CXCR5: variants seen among roughly 807,000 people sequenced by gnomAD.
CXCR5 encodes the protein C-X-C chemokine receptor type 5.
CXCR5 carries 3 observed loss-of-function variants against 5.6 expected under a neutral mutation model. The observed-to-expected ratio is 0.54, with a 90% CI of 0.24 to 1.39. The LOEUF is 1.39. Among genes scored for constraint, CXCR5 ranks in the 40% most tolerant of loss-of-function variants. The probability of loss-of-function intolerance (pLI) is 0.16; values close to 1 mark genes in which losing one functional copy is unlikely to be tolerated. For missense variants in CXCR5, 333 were observed against 494.6 expected (o/e 0.67, Z 3.10); for synonymous variants, 218 against 219.9 (o/e 0.99, Z 0.08).
chr11:118,888,541 C>A (rs139861935), intron 1 of CXCR5, among the ~76,000 whole-genome samples: 5 of 152,232 alleles, frequency 3.3e-5, no homozygotes, highest in Non-Finnish European at 5.9e-5. Flanking sequence ...CAGCTGCCCA[C>A]TTACAAGCCT....
rs1309600895 is a variant in CXCR5 at position 118,894,924 on chromosome 11, C to T, written c.*261C>T. On this transcript the variant is annotated 3_prime_UTR_variant, in exon 2 of 2. Coordinates refer to ENST00000292174, the MANE Select transcript of CXCR5 (RefSeq NM_001716.5). This position sits in a 1 kb window ranked among gnomAD's most constrained non-coding sequence, Gnocchi z 6.1. ...AGTGAAGGCTGTCCTTACCCATCTG[C>T]ACCCCCCTGGGCTGAGAGAACCTCA... 4.8e-6 allele frequency: 2 copies of T among 416,358 alleles called. No homozygotes were observed. Among genetic ancestry groups the T allele is most frequent in the Non-Finnish European group, 8.8e-6 (2 of 226,180 alleles). The allele number at this position is 416,358 out of a possible 1,614,324, so 25.8% of individuals were successfully genotyped here.
chr11:118,897,480 A>C lies in CXCR5; in HGVS notation c.*2817A>C, dbSNP rs1939961575. ...TGGGCAAACACACATGCACGTGCAC[A>C]CATGTTCTCCCTGAATCACTCAGCA... On this transcript the variant is annotated 3_prime_UTR_variant, in exon 2 of 2. Transcript: ENST00000292174. The C allele has an allele frequency of 3.2e-6, 1 of 316,280 alleles. No homozygotes were observed. The highest frequency in any genetic ancestry group is 2.2e-5 in the African/African-American group (1 of 44,824). 19.6% of individuals were successfully genotyped at this position (316,280 alleles called of 1,614,324 possible).
At position 118,893,114 on chromosome 11, in the gene CXCR5, C is replaced by T. The variant is rs1051789277; in HGVS notation, c.52-482C>T. ...ACAGAGACAGTCAGGAACAGGAAGACCCATGAGGAGGGAGCCCACAGGCCA... is the reference window on the plus strand; with the variant it reads ...ACAGAGACAGTCAGGAACAGGAAGATCCATGAGGAGGGAGCCCACAGGCCA... On this transcript the variant is annotated intron_variant, in intron 1 of 1. Transcript: ENST00000292174. The surrounding 1 kb of genome is among the most constrained non-coding windows in gnomAD (Gnocchi z 5.7). Among the ~76,000 whole-genome samples, 2 of 152,164 alleles carry T rather than the reference C, an allele frequency of 1.3e-5. No homozygotes were observed. Among genetic ancestry groups the T allele is most frequent in the Non-Finnish European group, 2.9e-5 (2 of 68,032 alleles).
intron 1 of CXCR5, chr11:118,886,543 G>T (rs1293330587): frequency 2.7e-6 from 1 of 365,142 alleles, no homozygotes; most frequent in South Asian, 2.1e-5. Context: ...AAAATTAGAT[G>T]GCTAAGAACC....
At chr11:118,884,299 T>C (rs575895608) in intron 1 of CXCR5, among the ~76,000 whole-genome samples, 1 of 152,332 alleles carries the variant, frequency 6.6e-6, no homozygotes, top group African/African-American at 2.4e-5. Context: ...CTCTCCATTC[T>C]TTCTCTCCTT....
intron 1 of CXCR5, chr11:118,886,353 A>G (rs761546687): frequency 0.015 from 6,756 of 441,860 alleles, 47 homozygotes; most frequent in East Asian, 0.024. Context: ...GCCAGAAAAA[A>G]AAAAAAAAAA....
At chr11:118,886,187 T>A (rs1939707009) in intron 1 of CXCR5, 1 of 383,744 alleles carries the variant, frequency 2.6e-6, no homozygotes, top group Non-Finnish European at 5.0e-6. Flanking sequence ...AGCTCACCAT[T>A]TTCCTCTGGA....
Position 118,891,366 on chromosome 11 carries a change from G to A in CXCR5, c.52-2230G>A, listed in dbSNP as rs76625480. On this transcript the variant is annotated intron_variant, in intron 1 of 1. Transcript: ENST00000292174. ...TCATTTTCTTTTTTTTTGAGATTGG[G>A]TCTTGGTCTGTTACCCAGGCTGGAG... Among the ~76,000 whole-genome samples the A allele has an allele frequency of 4.0e-3, 610 of 151,898 alleles. 6 individuals are homozygous for A. Among genetic ancestry groups the A allele is most frequent in the African/African-American group, 0.014 (579 of 41,400 alleles).
chr11:118,884,415 G>C (rs1308487529), intron 1 of CXCR5, among the ~76,000 whole-genome samples: 1 of 152,146 alleles, frequency 6.6e-6, no homozygotes, highest in Non-Finnish European at 1.5e-5. Flanking sequence ...ATAGCTGTTC[G>C]TCTCTGGCCA....
At position 118,896,292 on chromosome 11, in the gene CXCR5, T is replaced by C. The variant is rs911925821; in HGVS notation, c.*1629T>C. The C allele has an allele frequency of 1.9e-5, 3 of 161,340 alleles. No individual in the cohort carries two copies. The highest frequency in any genetic ancestry group is 7.3e-5 in the African/African-American group (3 of 41,208). The allele number at this position is 161,340 out of a possible 1,614,324, so 10.0% of individuals were successfully genotyped here. A position where few individuals can be genotyped will look rare whatever the true frequency, so the allele number is the denominator to read the frequency against. On this transcript the variant is annotated 3_prime_UTR_variant, in exon 2 of 2. Transcript: ENST00000292174. Reference sequence around the variant, plus strand: ...TTGTATTTATATATTTATATTTATATATATATTTATATAATGGTACAAAAT... The same window carrying C: ...TTGTATTTATATATTTATATTTATACATATATTTATATAATGGTACAAAAT...
Position 118,893,984 on chromosome 11 carries a change from G to T in CXCR5, c.440G>T (p.Arg147Leu). The change falls in exon 2 of 2, where the codon CGC becomes CTC. Residue 147 changes from arginine to leucine, a missense_variant. Physicochemically the swap from Arg to Leu is moderately radical, Grantham distance 102. Transcript: ENST00000292174. The surrounding 1 kb of genome is among the most constrained non-coding windows in gnomAD (Gnocchi z 5.7). The part of the protein sequence containing the change: ...SLLLACIAVD[R>L]YLAIVHAVHA... ...CTCCTGGCCTGCATCGCCGTGGACC[G>T]CTACCTGGCCATTGTCCACGCCGTC... 2 of 1,613,708 alleles carry T rather than the reference G, an allele frequency of 1.2e-6. No homozygotes were observed.
At chr11:118,888,908 C>T (rs1052764095) in intron 1 of CXCR5, among the ~76,000 whole-genome samples, 5 of 152,142 alleles carry the variant, frequency 3.3e-5, no homozygotes, top group African/African-American at 1.2e-4. Flanking sequence ...ACATAGAATC[C>T]CCATTAGCAA....
chr11:118,894,241 G>A lies in CXCR5; in HGVS notation c.697G>A (p.Val233Met). The change falls in exon 2 of 2, where the codon GTG (valine) becomes ATG (methionine). Residue 233 changes from valine (V) to methionine (M), a missense_variant. By Grantham distance (21) the Val-to-Met change is conservative. Transcript: ENST00000292174. This position sits in a 1 kb window ranked among gnomAD's most constrained non-coding sequence, Gnocchi z 6.1. ...GGCGGGATTCCTGCTGCCCATGCTG[G>A]TGATGGGCTGGTGCTACGTGGGGGT... ...HVAGFLLPML[V>M]MGWCYVGVVH... The A allele has an allele frequency of 6.2e-7, 1 of 1,614,128 alleles. No individual in the cohort carries two copies. The highest frequency in any genetic ancestry group is 8.5e-7 in the Non-Finnish European group (1 of 1,180,040).
At chr11:118,890,356 G>A (rs1390739163) in intron 1 of CXCR5, among the ~76,000 whole-genome samples, 1 of 152,162 alleles carries the variant, frequency 6.6e-6, no homozygotes, top group Non-Finnish European at 1.5e-5. Flanking sequence ...GCCTGCTTCT[G>A]AGACCTTGCC....
chr11:118,893,498 C>A lies in CXCR5; in HGVS notation c.52-98C>A. On this transcript the variant is annotated intron_variant, in intron 1 of 1. Transcript: ENST00000292174. This position sits in a 1 kb window ranked among gnomAD's most constrained non-coding sequence, Gnocchi z 5.7. ...TGAAACTTGACATTTGGTCAGTGGG[C>A]CCTATGTAGGAAAAAACCTCCAAGA... is the stretch of plus-strand genomic sequence containing the variant. 1.3e-6 allele frequency: 2 copies of A among 1,492,120 alleles called. No homozygotes were observed. The highest frequency in any genetic ancestry group is 8.9e-7 in the Non-Finnish European group (1 of 1,119,588). 92.4% of individuals were successfully genotyped at this position (1,492,120 alleles called of 1,614,324 possible).
chr11:118,894,091 C>A lies in CXCR5; in HGVS notation c.547C>A (p.Pro183Thr), dbSNP rs1939857604. 1.2e-6 allele frequency: 2 copies of A among 1,613,896 alleles called. No homozygotes were observed. Among genetic ancestry groups the A allele is most frequent in the Admixed American group, 1.7e-5 (1 of 59,950 alleles). Residue 183 changes from proline (P) to threonine (T), a missense_variant, in exon 2 of 2, where the codon CCA becomes ACA. By Grantham distance (38) the Pro-to-Thr change is conservative. Coordinates refer to ENST00000292174, the MANE Select transcript of CXCR5 (RefSeq NM_001716.5). This position sits in a 1 kb window ranked among gnomAD's most constrained non-coding sequence, Gnocchi z 6.1. ...GCTGGTGGGCTTCCTCCTTGCCTTG[C>A]CAGAGATTCTCTTCGCCAAAGTCAG... The part of the protein sequence containing the change: ...IWLVGFLLAL[P>T]EILFAKVSQG...
chr11:118,887,042 G>A (rs1939724135), intron 1 of CXCR5: 1 of 159,530 alleles, frequency 6.3e-6, no homozygotes, highest in Admixed American at 6.5e-5. Flanking sequence ...AACCCCAGCA[G>A]AGGAGGCCCA....
chr11:118,887,967 C>G (rs1939742081), intron 1 of CXCR5, among the ~76,000 whole-genome samples: 1 of 152,192 alleles, frequency 6.6e-6, no homozygotes, highest in Non-Finnish European at 1.5e-5. Flanking sequence ...AGCCCTGCCC[C>G]CTCCTTGGGG....
chr11:118,893,408 G>A lies in CXCR5; in HGVS notation c.52-188G>A, dbSNP rs73575405. The A allele has an allele frequency of 0.017, 16,854 of 985,380 alleles. 366 individuals carry two copies. The highest frequency in any genetic ancestry group is 0.099 in the African/African-American group (5,650 of 57,314). The allele number at this position is 985,380 out of a possible 1,614,324, so 61.0% of individuals were successfully genotyped here. On this transcript the variant is annotated intron_variant, in intron 1 of 1. Transcript: ENST00000292174. The surrounding 1 kb of genome is among the most constrained non-coding windows in gnomAD (Gnocchi z 5.7). ...TCAGCACCACCACTCTAAGGAATGC[G>A]GTCCCTTTGACAGGCGAAAAACTGA...
Sources: allele counts gnomAD v4.1 joint callset (sites outside exome capture counted in the v4.1 genomes callset), GRCh38; gene constraint gnomAD v4.1.1; non-coding constraint Gnocchi (gnomAD v3.1); transcripts MANE v1.5; gene names NCBI Gene and HGNC (gene_info 2026-07-23, HGNC 2026-07-21).